Variants in SULT2B1 observed in about 807,000 individuals in gnomAD.
SULT2B1 encodes the protein sulfotransferase family 2B member 1.
Under a neutral mutation model 33.2 loss-of-function variants are expected in SULT2B1, and 16 were observed. That is an observed-to-expected ratio of 0.48 (90% confidence interval 0.33 to 0.73). The LOEUF (loss-of-function observed/expected upper bound fraction) is 0.73. SULT2B1 is among the 30% of genes least tolerant of loss of function. SULT2B1 has a pLI of 0.02. For synonymous variants in SULT2B1, 186 were observed against 200.5 expected (o/e 0.93, Z 0.61); for missense variants, 500 against 506.0 (o/e 0.99, Z 0.11).
chr19:48,560,713 C>A (rs973002195), intron 1 of SULT2B1, among the ~76,000 whole-genome samples: 2 of 152,126 alleles, frequency 1.3e-5, no homozygotes, highest in African/African-American at 2.4e-5. Context: ...ATAATCCCAG[C>A]ACTTTGGGAA....
intron 1 of SULT2B1, among the ~76,000 whole-genome samples, chr19:48,570,354 A>G (rs974905759): frequency 1.3e-5 from 2 of 150,324 alleles, no homozygotes; most frequent in Non-Finnish European, 3.0e-5. Flanking sequence ...TAATTTTTGT[A>G]TTTTATTAGA....
chr19:48,573,789 A>T (rs1973363575), intron 1 of SULT2B1, among the ~76,000 whole-genome samples: 1 of 152,076 alleles, frequency 6.6e-6, no homozygotes, highest in African/African-American at 2.4e-5. Flanking sequence ...TTGAAGCTCC[A>T]TGTCCTCTCT....
chr19:48,583,397 A>ACATT (rs1362008405), intron 2 of SULT2B1, among the ~76,000 whole-genome samples: 5 of 152,364 alleles, frequency 3.3e-5, no homozygotes, highest in African/African-American at 1.2e-4. Flanking sequence ...TTTGTACACC[A>ACATT]ATGTTCATAG....
chr19:48,599,211 G>T lies in SULT2B1; in HGVS notation c.903G>T (p.Met301Ile). ...EAFDRAYRKQ[M>I]RGMPTFPWDE... ...TCGATCGTGCCTACCGCAAGCAGATGCGGGGGATGCCGACCTTCCCCTGGG... is the reference window on the plus strand; with the variant it reads ...TCGATCGTGCCTACCGCAAGCAGATTCGGGGGATGCCGACCTTCCCCTGGG... The change falls in exon 7 of 7, where the codon ATG (methionine) becomes ATT (isoleucine). Residue 301 changes from methionine (M) to isoleucine (I), a missense_variant. Met to Ile is a conservative substitution (Grantham distance 10). Coordinates refer to ENST00000201586, the MANE Select transcript of SULT2B1 (RefSeq NM_177973.2). The surrounding 1 kb of genome is among the most constrained non-coding windows in gnomAD (Gnocchi z 4.1). 1.9e-6 allele frequency: 3 copies of T among 1,606,898 alleles called. No individual in the cohort carries two copies.
At chr19:48,587,890 CAAAAAAAAAAAAA>C (rs67551728) in intron 3 of SULT2B1, among the ~76,000 whole-genome samples, 5 of 39,906 alleles carry the variant, frequency 1.3e-4, no homozygotes, top group Admixed American at 4.3e-4. Flanking sequence ...AAGACTGTCT[CAAAAAAAAAAAAA>C]AAAAAAAAAA....
chr19:48,579,574 G>A (rs917062886), intron 2 of SULT2B1, among the ~76,000 whole-genome samples: 1 of 139,004 alleles, frequency 7.2e-6, no homozygotes. Flanking sequence ...GAGCCACCGC[G>A]CCCGGCCTTT....
intron 1 of SULT2B1, among the ~76,000 whole-genome samples, chr19:48,570,031 GGAC>G (rs1973299135): frequency 6.6e-6 from 1 of 152,066 alleles, no homozygotes; most frequent in South Asian, 2.1e-4. Flanking sequence ...TCAAGGATTA[GGAC>G]GACAACATCA....
intron 5 of SULT2B1, among the ~76,000 whole-genome samples, chr19:48,595,561 C>G (rs1012651366): frequency 6.6e-6 from 1 of 151,838 alleles, no homozygotes; most frequent in Non-Finnish European, 1.5e-5. Flanking sequence ...TGCCAAGGCC[C>G]AGAGGGAGGA....
In SULT2B1 at chr19:48,587,503, GA is replaced by G. The variant is rs775583479; in HGVS notation, c.423+67del. The G allele has an allele frequency of 8.4e-4, 1,307 of 1,547,330 alleles. 1 individual carries two copies. The highest frequency in any genetic ancestry group is 1.1e-3 in the Non-Finnish European group (1,244 of 1,121,524). On this transcript the variant is annotated intron_variant, in intron 3 of 6. Transcript: ENST00000201586. ...GGGTGTATGGGGTAATGGGGGGACG[GA>G]GCATAACTCATTGATTCATTCAGCA...
At chr19:48,563,857 C>T (rs1338836853) in intron 1 of SULT2B1, among the ~76,000 whole-genome samples, 3 of 151,334 alleles carry the variant, frequency 2.0e-5, no homozygotes, top group Admixed American at 6.6e-5. Context: ...CCCAGCTACT[C>T]GGGAGGCTGA....
chr19:48,568,805 C>T (rs901066507), intron 1 of SULT2B1, among the ~76,000 whole-genome samples: 21 of 152,164 alleles, frequency 1.4e-4, no homozygotes, highest in Admixed American at 1.2e-3. Context: ...GCTGTCCGAT[C>T]GCATTCCTGG....
chr19:48,576,904 G>A (rs1233049398), intron 2 of SULT2B1, among the ~76,000 whole-genome samples: 1 of 151,552 alleles, frequency 6.6e-6, no homozygotes, highest in Non-Finnish European at 1.5e-5. Context: ...GCCTCCCAAA[G>A]TGCTGGGATT....
chr19:48,579,605 C>CTTTCTTTCTTTTTT (rs71179013), intron 2 of SULT2B1, among the ~76,000 whole-genome samples: 12 of 79,760 alleles, frequency 1.5e-4, no homozygotes, highest in African/African-American at 3.0e-4. Flanking sequence ...TTCTTTCTTT[C>CTTTCTTTCTTTTTT]TTTTTTTTTT....
intron 1 of SULT2B1, among the ~76,000 whole-genome samples, chr19:48,574,054 T>C (rs1973368727): frequency 6.6e-6 from 1 of 152,120 alleles, no homozygotes; most frequent in Non-Finnish European, 1.5e-5. Flanking sequence ...AGAGACAGTG[T>C]TCTCGCTATG....
Position 48,591,640 on chromosome 19 carries a change from T to G in SULT2B1, c.455T>G (p.Val152Gly). The G allele has an allele frequency of 6.2e-7, 1 of 1,613,442 alleles. No homozygotes were observed. The change falls in exon 4 of 7, where the codon GTT (valine) becomes GGT (glycine). Residue 152 changes from valine to glycine, a missense_variant. Coordinates refer to ENST00000201586, the MANE Select transcript of SULT2B1 (RefSeq NM_177973.2). Reference sequence around the variant, plus strand: ...TACATGGGCCGCAACCCCCGGGACGTTGTGGTCTCCCTCTATCATTACTCC... The same window carrying G: ...TACATGGGCCGCAACCCCCGGGACGGTGTGGTCTCCCTCTATCATTACTCC... Reference protein sequence around the residue: ...VIYMGRNPRDVVVSLYHYSKI... With the variant: ...VIYMGRNPRDGVVSLYHYSKI...
At chr19:48,567,017 G>A (rs1973253528) in intron 1 of SULT2B1, among the ~76,000 whole-genome samples, 1 of 151,886 alleles carries the variant, frequency 6.6e-6, no homozygotes, top group African/African-American at 2.4e-5. Flanking sequence ...AAAAAGAGAG[G>A]GAGAGGGAGA....
At chr19:48,588,931 G>A (rs1050956375) in intron 3 of SULT2B1, among the ~76,000 whole-genome samples, 6 of 152,244 alleles carry the variant, frequency 3.9e-5, no homozygotes, top group Non-Finnish European at 8.8e-5. Context: ...GGTCCGGGTG[G>A]GGAGGCAACA....
chr19:48,572,729 G>A (rs1200079499), intron 1 of SULT2B1, among the ~76,000 whole-genome samples: 2 of 151,992 alleles, frequency 1.3e-5, no homozygotes, highest in African/African-American at 4.8e-5. Flanking sequence ...AGAAGACCTG[G>A]AGGAGGCTGA....
At chr19:48,567,717 C>G (rs1459201286) in intron 1 of SULT2B1, among the ~76,000 whole-genome samples, 1 of 152,066 alleles carries the variant, frequency 6.6e-6, no homozygotes, top group Non-Finnish European at 1.5e-5. Flanking sequence ...CGCCTGTAAC[C>G]CCAGCACTCT....
Sources: gnomAD v4.1 joint callset for allele counts (sites outside exome capture counted in the v4.1 genomes callset) on GRCh38, gnomAD v4.1.1 for gene constraint, Gnocchi (gnomAD v3.1) non-coding constraint, MANE v1.5 for transcripts, NCBI Gene and HGNC (gene_info 2026-07-23, HGNC 2026-07-21) for gene names.